DDX10: variants seen among roughly 807,000 people sequenced by gnomAD.
DDX10 encodes the protein DEAD-box helicase 10.
In DDX10, 74 loss-of-function variants were observed where a neutral mutation model predicts 104.3. The ratio of observed to expected loss-of-function variants is 0.71; its 90% CI spans 0.59 to 0.86. The LOEUF (loss-of-function observed/expected upper bound fraction) is 0.86, where lower values mean the gene tolerates loss of function less well. DDX10 is among the 40% of genes least tolerant of loss of function. The pLI is 0.00. For synonymous variants in DDX10, 351 were observed against 353.4 expected (o/e 0.99, Z 0.08); for missense variants, 952 against 1,040.0 (o/e 0.92, Z 1.16).
intron 13 of DDX10, among the ~76,000 whole-genome samples, chr11:108,765,243 G>T (rs1274656940): frequency 6.6e-6 from 1 of 152,182 alleles, no homozygotes; most frequent in African/African-American, 2.4e-5. Flanking sequence ...AGCAGTGGTA[G>T]TGGGGCTGAA....
At chr11:108,817,532 G>T (rs1028702346) in intron 13 of DDX10, among the ~76,000 whole-genome samples, 5 of 151,872 alleles carry the variant, frequency 3.3e-5, no homozygotes, top group Non-Finnish European at 5.9e-5. Context: ...ACTCACCTTT[G>T]TCTCTAACAC....
chr11:108,781,529 G>A lies in DDX10; in HGVS notation c.1966-56917G>A, dbSNP rs1004257692. 3.9e-5 allele frequency among the ~76,000 whole-genome samples: 6 copies of A among 152,242 alleles called. No individual in the cohort carries two copies. The East Asian group carries it at 1.2e-3, about 29-fold the overall frequency. On this transcript the variant is annotated intron_variant, in intron 13 of 17. Coordinates refer to ENST00000322536, the MANE Select transcript of DDX10 (RefSeq NM_004398.4). ...TATTCATAATACTGAACTATATGGA[G>A]GGATTATCTCCATTCCTATCAACCC...
rs1160727077 is a variant in DDX10 at position 108,916,087 on chromosome 11, T to A, written c.2305-1786T>A. ...TTCTAATACAGTAAATGTCAGTAGATCTTCCCCATGTTAACAAAAGCTCTT... is the reference window on the plus strand; with the variant it reads ...TTCTAATACAGTAAATGTCAGTAGAACTTCCCCATGTTAACAAAAGCTCTT... On this transcript the variant is annotated intron_variant, in intron 16 of 17. Coordinates refer to ENST00000322536, the MANE Select transcript of DDX10 (RefSeq NM_004398.4). Among the ~76,000 whole-genome samples, 3 of 152,106 alleles carry A rather than the reference T, an allele frequency of 2.0e-5. No homozygotes were observed. The East Asian group carries it at 5.8e-4, about 29-fold the overall frequency.
rs142321169 is a variant in DDX10, at chr11:108,679,523, C to G, written c.811C>G (p.Pro271Ala). ...KDLARLSLKNPEYVWVHEKAK... is the reference protein window; with the variant it reads ...KDLARLSLKNAEYVWVHEKAK... ...CCTTGCACGCTTGAGTTTGAAAAAC[C>G]CTGAGTATGTCTGGGTTCATGAAAA... is the stretch of plus-strand genomic sequence containing the variant. The change falls in exon 6 of 18, where the codon CCT (proline) becomes GCT (alanine). Residue 271 changes from proline to alanine, a missense_variant. Physicochemically the swap from Pro to Ala is conservative, Grantham distance 27. This residue lies in a region of DDX10 where 412 missense variants were observed against 479.2 expected (regional missense o/e 0.86). Coordinates refer to ENST00000322536, the MANE Select transcript of DDX10 (RefSeq NM_004398.4). 1,116 of 1,611,732 alleles carry G rather than the reference C, an allele frequency of 6.9e-4. 1 individual carries two copies. The highest frequency in any genetic ancestry group is 8.8e-4 in the Non-Finnish European group (1,041 of 1,179,420).
intron 13 of DDX10, among the ~76,000 whole-genome samples, chr11:108,782,855 T>G (rs1861726859): frequency 6.6e-6 from 1 of 151,504 alleles, no homozygotes; most frequent in Non-Finnish European, 1.5e-5. Flanking sequence ...CACGAAAGAG[T>G]AGTCAGTGGT....
Position 108,672,843 on chromosome 11 carries a change from T to C in DDX10, c.187-624T>C, listed in dbSNP as rs563070064. ...ACATCAGTAATGAATATTTGAATAA[T>C]GTAAAGTTAGCAAAATGTTACTTAT... On this transcript the variant is annotated intron_variant, in intron 1 of 17. Coordinates refer to ENST00000322536, the MANE Select transcript of DDX10 (RefSeq NM_004398.4). Among the ~76,000 whole-genome samples, 209 of 152,350 alleles carry C rather than the reference T, an allele frequency of 1.4e-3. 2 individuals are homozygous for C. The highest frequency in any genetic ancestry group is 4.8e-3 in the African/African-American group (201 of 41,584).
At chr11:108,688,470 T>C (rs749389649) in intron 6 of DDX10, among the ~76,000 whole-genome samples, 66 of 152,340 alleles carry the variant, frequency 4.3e-4, no homozygotes, top group Middle Eastern at 3.4e-3. Flanking sequence ...TCCAAATACT[T>C]CAGCACACGT....
intron 13 of DDX10, among the ~76,000 whole-genome samples, chr11:108,778,998 C>T (rs566010695): frequency 6.6e-6 from 1 of 152,340 alleles, no homozygotes; most frequent in South Asian, 2.1e-4. Context: ...TACCATCTCA[C>T]ACCAGTTAGA....
At chr11:108,886,210 G>A (rs1863294755) in intron 16 of DDX10, among the ~76,000 whole-genome samples, 1 of 152,178 alleles carries the variant, frequency 6.6e-6, no homozygotes, top group African/African-American at 2.4e-5. Flanking sequence ...GTGGGAAGTA[G>A]CATTTGTTAA....
chr11:108,900,144 C>T (rs1218819020), intron 16 of DDX10, among the ~76,000 whole-genome samples: 1 of 152,010 alleles, frequency 6.6e-6, no homozygotes, highest in Non-Finnish European at 1.5e-5. Context: ...CTTCCGTCCT[C>T]CCCTCGCTCC....
intron 13 of DDX10, among the ~76,000 whole-genome samples, chr11:108,769,020 C>T (rs2094359667): frequency 6.6e-6 from 1 of 151,762 alleles, no homozygotes; most frequent in Non-Finnish European, 1.5e-5. Context: ...AGGTATTATC[C>T]CATTGTCTTC....
chr11:108,938,266 A>G (rs1864061618), intron 17 of DDX10, among the ~76,000 whole-genome samples: 1 of 152,254 alleles, frequency 6.6e-6, no homozygotes. Flanking sequence ...GGGCCTTTCT[A>G]GAATTTGAAG....
intron 10 of DDX10, among the ~76,000 whole-genome samples, chr11:108,712,945 C>G (rs2094286449): frequency 6.6e-6 from 1 of 151,904 alleles, no homozygotes; most frequent in Admixed American, 6.6e-5. Context: ...ATACAGAGTT[C>G]CAGGCTGGTG....
intron 13 of DDX10, among the ~76,000 whole-genome samples, chr11:108,813,694 T>C (rs1220669969): frequency 6.6e-6 from 1 of 152,180 alleles, no homozygotes; most frequent in East Asian, 1.9e-4. Context: ...TCTAGTACTT[T>C]TATGGTTTAA....
chr11:108,797,893 T>C (rs76385099), intron 13 of DDX10, among the ~76,000 whole-genome samples: 6,566 of 152,288 alleles, frequency 0.043, 390 homozygotes, highest in African/African-American at 0.13. Context: ...GCCCCTTTAT[T>C]TGCTTGTTCA....
chr11:108,691,782 C>A (rs765383608), intron 7 of DDX10, 94 bp from the exon 8 acceptor site: 1 of 1,087,766 alleles, frequency 9.2e-7, no homozygotes, highest in Non-Finnish European at 1.3e-6. Context: ...TCACATTGCT[C>A]TGCTGTTGAG....
At chr11:108,889,437 AAAT>A (rs548873195) in intron 16 of DDX10, among the ~76,000 whole-genome samples, 120 of 152,280 alleles carry the variant, frequency 7.9e-4, no homozygotes, top group Middle Eastern at 6.8e-3. Flanking sequence ...TTGAAATTTT[AAAT>A]AATAAAACCT....
chr11:108,779,014 A>T (rs1031987405), intron 13 of DDX10, among the ~76,000 whole-genome samples: 14 of 152,324 alleles, frequency 9.2e-5, no homozygotes, highest in Admixed American at 3.3e-4. Context: ...TTAGAATGGC[A>T]ATCATTAAAA....
chr11:108,704,645 G>A (rs932596868), intron 9 of DDX10, among the ~76,000 whole-genome samples: 1 of 152,230 alleles, frequency 6.6e-6, no homozygotes, highest in East Asian at 1.9e-4. Context: ...TACTGCTTAG[G>A]GGTCTGCTTT....
Sources: gnomAD v4.1 joint callset for allele counts (sites outside exome capture counted in the v4.1 genomes callset) on GRCh38, gnomAD v4.1.1 for gene constraint, gnomAD v4.1.1 regional missense constraint, MANE v1.5 for transcripts, NCBI Gene and HGNC (gene_info 2026-07-23, HGNC 2026-07-21) for gene names.